Variants in GAB2 observed in about 807,000 individuals in gnomAD.
The protein encoded by GAB2 is GRB2-associated-binding protein 2.
Under a neutral mutation model 65.5 loss-of-function variants are expected in GAB2, and 26 were observed. The observed-to-expected ratio is 0.40, with a 90% CI of 0.29 to 0.55. GAB2 has a LOEUF of 0.55. GAB2 is among the 20% of genes least tolerant of loss of function. The probability of loss-of-function intolerance (pLI) is 0.53; values close to 1 mark genes in which losing one functional copy is unlikely to be tolerated. For missense variants in GAB2, 884 were observed against 875.8 expected (o/e 1.01, Z -0.12); for synonymous variants, 321 against 329.6 (o/e 0.97, Z 0.28).
intron 1 of GAB2, among the ~76,000 whole-genome samples, chr11:78,401,379 G>T (rs2135080505): frequency 6.6e-6 from 1 of 152,288 alleles, no homozygotes; most frequent in South Asian, 2.1e-4. Flanking sequence ...CACATAAGTA[G>T]AATCATACAG....
chr11:78,409,748 A>G (rs1194700457), intron 1 of GAB2, among the ~76,000 whole-genome samples: 1 of 152,220 alleles, frequency 6.6e-6, no homozygotes, highest in Non-Finnish European at 1.5e-5. Context: ...AAAGAATTAT[A>G]TATATCACTA....
intron 1 of GAB2, among the ~76,000 whole-genome samples, chr11:78,296,449 T>C (rs1264448268): frequency 6.6e-6 from 1 of 151,988 alleles, no homozygotes; most frequent in Non-Finnish European, 1.5e-5. Flanking sequence ...GCTTATCTAA[T>C]ACATGTATTT....
At position 78,252,549 on chromosome 11, in the gene GAB2, T is replaced by A. The variant is rs1438455921; in HGVS notation, c.377-2149A>T. Among the ~76,000 whole-genome samples, 5 of 152,280 alleles carry A rather than the reference T, an allele frequency of 3.3e-5. No individual in the cohort carries two copies. In the East Asian group the frequency reaches 9.6e-4, roughly 29 times the overall value. ...TGTATTCTCTGTTGTCTCGTTGGAC[T>A]CCTCTTCCTTTGCCTGCCCCTTCAG... On this transcript the variant is annotated intron_variant, in intron 2 of 9. Coordinates refer to ENST00000361507, the MANE Select transcript of GAB2 (RefSeq NM_080491.3).
intron 1 of GAB2, among the ~76,000 whole-genome samples, chr11:78,341,234 T>C (rs1458824449): frequency 2.0e-5 from 3 of 152,364 alleles, no homozygotes; most frequent in Middle Eastern, 3.4e-3. Flanking sequence ...TCAACATTTA[T>C]TGAATGCCTA....
chr11:78,376,809 C>T (rs926457406), intron 1 of GAB2, among the ~76,000 whole-genome samples: 2 of 152,078 alleles, frequency 1.3e-5, no homozygotes, highest in Admixed American at 6.5e-5. Flanking sequence ...GTGACTTAAA[C>T]AACAGACTGA....
At chr11:78,305,631 GA>G (rs1370512940) in intron 1 of GAB2, among the ~76,000 whole-genome samples, 1 of 152,194 alleles carries the variant, frequency 6.6e-6, no homozygotes, top group Non-Finnish European at 1.5e-5. Context: ...CTTAAGAAGT[GA>G]AAAATCCCTG....
chr11:78,340,520 C>T (rs112108895), intron 1 of GAB2, among the ~76,000 whole-genome samples: 1,604 of 150,916 alleles, frequency 0.011, 21 homozygotes, highest in African/African-American at 0.037. Flanking sequence ...AATCTTTCTT[C>T]AAAAGTCTAA....
chr11:78,265,832 A>T (rs1357134741), intron 2 of GAB2, among the ~76,000 whole-genome samples: 1 of 152,206 alleles, frequency 6.6e-6, no homozygotes, highest in Non-Finnish European at 1.5e-5. Context: ...CCAACAGTGA[A>T]TTTCTCAAAA....
chr11:78,243,159 G>A (rs1865189662), intron 3 of GAB2, among the ~76,000 whole-genome samples: 1 of 146,114 alleles, frequency 6.8e-6, no homozygotes. Context: ...GTGAGACTCT[G>A]TCTAGAAAAA....
At chr11:78,362,219 A>G (rs754781587) in intron 1 of GAB2, among the ~76,000 whole-genome samples, 7 of 152,178 alleles carry the variant, frequency 4.6e-5, no homozygotes, top group African/African-American at 7.2e-5. Context: ...GCCAACATAC[A>G]TTATAAAGAT....
chr11:78,375,967 C>T (rs1856626956), intron 1 of GAB2, among the ~76,000 whole-genome samples: 1 of 152,236 alleles, frequency 6.6e-6, no homozygotes, highest in South Asian at 2.1e-4. Flanking sequence ...GATACAGCAG[C>T]TCTGTGCATT....
intron 1 of GAB2, among the ~76,000 whole-genome samples, chr11:78,385,892 G>C (rs142194225): frequency 5.6e-4 from 85 of 152,266 alleles, no homozygotes; most frequent in African/African-American, 1.8e-3. Context: ...ATTCAGCATT[G>C]CATCTTTCAT....
intron 1 of GAB2, among the ~76,000 whole-genome samples, chr11:78,286,891 G>A (rs953032939): frequency 4.6e-5 from 7 of 152,178 alleles, no homozygotes; most frequent in African/African-American, 1.2e-4. Context: ...AGGAGAATAC[G>A]GGACATGAGT....
At chr11:78,234,243 T>A (rs1042845620) in intron 3 of GAB2, among the ~76,000 whole-genome samples, 3 of 152,174 alleles carry the variant, frequency 2.0e-5, no homozygotes, top group African/African-American at 7.2e-5. Context: ...TGACCGTGCC[T>A]GGCTACTTTT....
chr11:78,234,044 T>C (rs998900513), intron 3 of GAB2, among the ~76,000 whole-genome samples: 3 of 152,224 alleles, frequency 2.0e-5, no homozygotes, highest in African/African-American at 7.2e-5. Flanking sequence ...TTTGCTTACC[T>C]CAAGATCATG....
At chr11:78,281,777 T>G (rs1360460450) in intron 1 of GAB2, among the ~76,000 whole-genome samples, 2 of 152,216 alleles carry the variant, frequency 1.3e-5, no homozygotes, top group Non-Finnish European at 2.9e-5. Context: ...ATGATGACAC[T>G]TTAGAGCAAC....
intron 1 of GAB2, among the ~76,000 whole-genome samples, chr11:78,284,805 C>T (rs1866432196): frequency 6.6e-6 from 1 of 152,046 alleles, no homozygotes; most frequent in Admixed American, 6.6e-5. Flanking sequence ...TCCTCCAGGA[C>T]AAGGATTGGT....
At chr11:78,240,094 T>G (rs1392944950) in intron 3 of GAB2, among the ~76,000 whole-genome samples, 1 of 151,884 alleles carries the variant, frequency 6.6e-6, no homozygotes, top group Non-Finnish European at 1.5e-5. Flanking sequence ...AGCAGTATGC[T>G]CTCTTCAAGG....
At chr11:78,300,700 T>C (rs559782696) in intron 1 of GAB2, among the ~76,000 whole-genome samples, 2 of 142,316 alleles carry the variant, frequency 1.4e-5, no homozygotes, top group African/African-American at 5.5e-5. Flanking sequence ...TTTTTGTTTT[T>C]TTTTTTTTTT....
Sources: gnomAD v4.1 joint callset for allele counts (sites outside exome capture counted in the v4.1 genomes callset) on GRCh38, gnomAD v4.1.1 for gene constraint, MANE v1.5 for transcripts, NCBI Gene and HGNC (gene_info 2026-07-23, HGNC 2026-07-21) for gene names.